BICD2: variants seen among roughly 807,000 people sequenced by gnomAD.
BICD2 encodes the protein protein bicaudal D homolog 2.
In BICD2, 25 loss-of-function variants were observed where a neutral mutation model predicts 72.9. The observed-to-expected ratio is 0.34, with a 90% CI of 0.25 to 0.48. The LOEUF is 0.48. Ranked by LOEUF, BICD2 falls within the 20% of genes least tolerant of loss-of-function variation. The probability of loss-of-function intolerance (pLI) is 0.99; values close to 1 mark genes in which losing one functional copy is unlikely to be tolerated. For missense variants in BICD2, 894 were observed against 1,175.2 expected (o/e 0.76, Z 3.50); for synonymous variants, 501 against 516.1 (o/e 0.97, Z 0.40).
At chr9:92,735,756 A>T (rs1853775858) in intron 1 of BICD2, among the ~76,000 whole-genome samples, 1 of 152,146 alleles carries the variant, frequency 6.6e-6, no homozygotes, top group South Asian at 2.1e-4. Flanking sequence ...TGGCAGAAAC[A>T]GTAATGGCCT....
intron 2 of BICD2, among the ~76,000 whole-genome samples, chr9:92,727,482 G>C (rs1466576195): frequency 1.3e-5 from 2 of 152,148 alleles, no homozygotes; most frequent in African/African-American, 4.8e-5. Flanking sequence ...AGGCCCCAAG[G>C]CTCAGTGAAA....
rs1248372348 is a variant in BICD2, at chr9:92,713,967, C to G, written c.*1187G>C. ...GCAGCCTCAGGTCCAGCTGGTCCCA[C>G]AGGGTGATCGGGAAAAAAGTACTGA... On this transcript the variant is annotated 3_prime_UTR_variant, in exon 7 of 7. Transcript: ENST00000356884. The G allele has an allele frequency of 5.1e-6, 5 of 988,044 alleles. No homozygotes were observed. Among genetic ancestry groups the G allele is most frequent in the Non-Finnish European group, 6.0e-6 (5 of 831,588 alleles). The allele number at this position is 988,044 out of a possible 1,614,324, so 61.2% of individuals were successfully genotyped here.
At chr9:92,729,735 G>A (rs984790705) in intron 1 of BICD2, among the ~76,000 whole-genome samples, 3 of 152,248 alleles carry the variant, frequency 2.0e-5, no homozygotes, top group African/African-American at 7.2e-5. Context: ...CAGGCCCGAG[G>A]ATGGCAGTGA....
At chr9:92,716,277 C>T (rs960480628) in intron 6 of BICD2, among the ~76,000 whole-genome samples, 1 of 152,176 alleles carries the variant, frequency 6.6e-6, no homozygotes, top group Admixed American at 6.5e-5. Flanking sequence ...GCACACAGAG[C>T]TGTGATCCCT....
Position 92,715,253 on chromosome 9 carries a change from G to A in BICD2, c.2469C>T (p.Ser823=), listed in dbSNP as rs199989045. ...AAPKTKPATP[S]VSHTCACASD... is the part of the protein sequence containing the mutation. Reference sequence around the variant, plus strand: ...TGGCACAGGCACAGGTGTGACTTACGCTCGGTGTGGCTGGCTTGGTCTTCG... The same window carrying A: ...TGGCACAGGCACAGGTGTGACTTACACTCGGTGTGGCTGGCTTGGTCTTCG... Residue 823 remains serine (S), a synonymous_variant, in exon 7 of 7, where the codon AGC becomes AGT. Coordinates refer to ENST00000356884, the MANE Select transcript of BICD2 (RefSeq NM_001003800.2). 62 of 1,613,262 alleles carry A rather than the reference G, an allele frequency of 3.8e-5. No individual in the cohort carries two copies. The East Asian group carries it at 1.1e-3, about 28-fold the overall frequency.
At chr9:92,727,204 AC>A (rs1187875629) in intron 2 of BICD2, among the ~76,000 whole-genome samples, 1 of 151,978 alleles carries the variant, frequency 6.6e-6, no homozygotes, top group Non-Finnish European at 1.5e-5. Flanking sequence ...TCCGCTGCTG[AC>A]CCCGAGGGCA....
chr9:92,712,228 G>A lies in BICD2; in HGVS notation c.*2926C>T, dbSNP rs542299224. 1.3e-5 allele frequency: 2 copies of A among 152,720 alleles called. No individual in the cohort carries two copies. The highest frequency in any genetic ancestry group is 1.3e-4 in the Admixed American group (2 of 15,296). The allele number at this position is 152,720 out of a possible 1,614,324, so 9.5% of individuals were successfully genotyped here. Reference sequence around the variant, plus strand: ...TTTTGTGTTTGCTTTCATTTTCTAAGCCCCTGAATTTGCAAGTAAAGAATC... The same window carrying A: ...TTTTGTGTTTGCTTTCATTTTCTAAACCCCTGAATTTGCAAGTAAAGAATC... On this transcript the variant is annotated 3_prime_UTR_variant, in exon 7 of 7. Coordinates refer to ENST00000356884, the MANE Select transcript of BICD2 (RefSeq NM_001003800.2).
At chr9:92,759,606 T>C (rs10821016) in intron 1 of BICD2, among the ~76,000 whole-genome samples, 41,835 of 152,046 alleles carry the variant, frequency 0.28, 6,876 homozygotes, top group East Asian at 0.76. Context: ...GGCAGCCACA[T>C]TGGGCCCTCT....
chr9:92,713,394 A>G lies in BICD2; in HGVS notation c.*1760T>C. ...TTCCTTCCTCCTTGTGGGCCACGAG[A>G]GGGAAGGGGAAGGGGCTGCAGTGTG... is the stretch of plus-strand genomic sequence containing the variant. On this transcript the variant is annotated 3_prime_UTR_variant, in exon 7 of 7. Coordinates refer to ENST00000356884, the MANE Select transcript of BICD2 (RefSeq NM_001003800.2). The G allele has an allele frequency of 6.5e-7, 1 of 1,536,982 alleles. No individual in the cohort carries two copies. The highest frequency in any genetic ancestry group is 8.9e-7 in the Non-Finnish European group (1 of 1,128,252).
chr9:92,731,024 C>T (rs981942685), intron 1 of BICD2, among the ~76,000 whole-genome samples: 1 of 152,240 alleles, frequency 6.6e-6, no homozygotes, highest in African/African-American at 2.4e-5. Context: ...CACCCCGGGC[C>T]ACAAGAAGGG....
At chr9:92,739,443 G>A (rs1293050580) in intron 1 of BICD2, among the ~76,000 whole-genome samples, 1 of 152,196 alleles carries the variant, frequency 6.6e-6, no homozygotes, top group Non-Finnish European at 1.5e-5. Context: ...CGGATTGTCA[G>A]TATCCCAGGC....
At chr9:92,760,695 A>G (rs796125403) in intron 1 of BICD2, among the ~76,000 whole-genome samples, 35 of 152,182 alleles carry the variant, frequency 2.3e-4, no homozygotes, top group African/African-American at 8.4e-4. Context: ...TGTCAGACCC[A>G]TCTGTGCTTC....
chr9:92,754,189 C>A (rs1399763084), intron 1 of BICD2, among the ~76,000 whole-genome samples: 1 of 151,302 alleles, frequency 6.6e-6, no homozygotes, highest in African/African-American at 2.4e-5. Flanking sequence ...ACACATGACA[C>A]TTTATCTTAA....
In BICD2 at chr9:92,720,384, T is replaced by C; in HGVS notation, c.978A>G (p.Ala326=). ...KTSTPKKEGL[A]PPSPSLVSDL... ...CGGAGACGAGGCTGGGGGAGGGCGG[T>C]GCGAGGCCCTCCTTCTTGGGCGTGG... Residue 326 remains alanine, a synonymous_variant, in exon 4 of 7, where the codon GCA becomes GCG. Coordinates refer to ENST00000356884, the MANE Select transcript of BICD2 (RefSeq NM_001003800.2). The surrounding 1 kb of genome is among the most constrained non-coding windows in gnomAD (Gnocchi z 5.4). The C allele has an allele frequency of 6.2e-7, 1 of 1,613,982 alleles. No homozygotes were observed. Among genetic ancestry groups the C allele is most frequent in the Non-Finnish European group, 8.5e-7 (1 of 1,180,010 alleles).
intron 1 of BICD2, among the ~76,000 whole-genome samples, chr9:92,747,759 C>T (rs924342935): frequency 6.6e-6 from 1 of 152,156 alleles, no homozygotes; most frequent in Admixed American, 6.5e-5. Context: ...CAGATGGACG[C>T]CCACGTCCAC....
At position 92,713,323 on chromosome 9, in the gene BICD2, G is replaced by T; in HGVS notation, c.*1831C>A. 1 of 930,410 alleles carries T rather than the reference G, an allele frequency of 1.1e-6. No individual in the cohort carries two copies. Among genetic ancestry groups the T allele is most frequent in the East Asian group, 2.7e-5 (1 of 37,328 alleles). 57.6% of individuals were successfully genotyped at this position (930,410 alleles called of 1,614,324 possible). A position where few individuals can be genotyped will look rare whatever the true frequency, so the allele number is the denominator to read the frequency against. On this transcript the variant is annotated 3_prime_UTR_variant, in exon 7 of 7. Coordinates refer to ENST00000356884, the MANE Select transcript of BICD2 (RefSeq NM_001003800.2). ...GGGGAATGCTATTTTGAAAAGAATT[G>T]CAGTGGCATATCCAAAAAGTTTCTA...
intron 1 of BICD2, among the ~76,000 whole-genome samples, chr9:92,753,657 G>T (rs1440131621): frequency 1.3e-5 from 2 of 151,756 alleles, no homozygotes; most frequent in African/African-American, 2.4e-5. Flanking sequence ...TCCTGCCTCA[G>T]CCTCCTGAGT....
chr9:92,753,526 GCA>G (rs965021139), intron 1 of BICD2, among the ~76,000 whole-genome samples: 2 of 152,024 alleles, frequency 1.3e-5, no homozygotes, highest in African/African-American at 4.8e-5. Context: ...TAAAAGGGCA[GCA>G]CAGTTTTTTA....
chr9:92,737,263 C>T (rs1301933401), intron 1 of BICD2, among the ~76,000 whole-genome samples: 2 of 152,200 alleles, frequency 1.3e-5, no homozygotes, highest in African/African-American at 4.8e-5. Flanking sequence ...ACATAATTCA[C>T]TTACCAGAGC....
Sources: allele counts gnomAD v4.1 joint callset (sites outside exome capture counted in the v4.1 genomes callset), GRCh38; gene constraint gnomAD v4.1.1; non-coding constraint Gnocchi (gnomAD v3.1); transcripts MANE v1.5; gene names NCBI Gene and HGNC (gene_info 2026-07-23, HGNC 2026-07-21).